The following GABRA2 variants were observed in gnomAD, a reference collection of about 807,000 sequenced individuals.
The protein encoded by GABRA2 is gamma-aminobutyric acid receptor subunit alpha-2.
Under a neutral mutation model 48.7 loss-of-function variants are expected in GABRA2, and 16 were observed. The observed-to-expected ratio is 0.33, with a 90% confidence interval of 0.22 to 0.50. The LOEUF (loss-of-function observed/expected upper bound fraction) is 0.50. Ranked by LOEUF, GABRA2 falls within the 20% of genes least tolerant of loss-of-function variation. The probability of loss-of-function intolerance (pLI) is 0.98; values close to 1 mark genes in which losing one functional copy is unlikely to be tolerated. For missense variants in GABRA2, 275 were observed against 535.6 expected (o/e 0.51, Z 4.80); for synonymous variants, 185 against 184.5 (o/e 1.00, Z -0.02).
At chr4:46,353,314 T>C (rs1486662196) in intron 3 of GABRA2, among the ~76,000 whole-genome samples, 1 of 151,998 alleles carries the variant, frequency 6.6e-6, no homozygotes, top group African/African-American at 2.4e-5. Flanking sequence ...CACCACTGTC[T>C]CTCACCTAGG....
chr4:46,265,007 A>ATATATATATATAT (rs1426804933), intron 8 of GABRA2, among the ~76,000 whole-genome samples: 8 of 140,500 alleles, frequency 5.7e-5, no homozygotes, highest in Non-Finnish European at 9.1e-5. Flanking sequence ...ATATATGTAT[A>ATATATATATATAT]AAGAGAGAGA....
At chr4:46,314,627 T>A (rs562496263) in intron 4 of GABRA2, among the ~76,000 whole-genome samples, 24 of 152,238 alleles carry the variant, frequency 1.6e-4, no homozygotes, top group African/African-American at 5.8e-4. Flanking sequence ...TTTCCAACCC[T>A]TGACCTCCTC....
chr4:46,276,801 AT>A (rs1038990497), intron 8 of GABRA2, among the ~76,000 whole-genome samples: 3 of 150,776 alleles, frequency 2.0e-5, no homozygotes, highest in South Asian at 2.1e-4. Flanking sequence ...CTAACTGGGG[AT>A]TTTTTTTTCA....
chr4:46,313,319 T>C (rs1175675864), intron 4 of GABRA2, among the ~76,000 whole-genome samples: 1 of 151,960 alleles, frequency 6.6e-6, no homozygotes, highest in African/African-American at 2.4e-5. Flanking sequence ...ATTTATTTTT[T>C]AATCCTAAAA....
chr4:46,300,022 G>T (rs1238126066), intron 8 of GABRA2, among the ~76,000 whole-genome samples: 2 of 151,812 alleles, frequency 1.3e-5, no homozygotes, highest in Admixed American at 6.6e-5. Flanking sequence ...TCCCCATGTT[G>T]TTCAAATTTT....
rs533038865 is a variant in GABRA2, at chr4:46,337,340, C to T, written c.188-4658G>A. ...TCCGAGGCAGGGAAACTCCTTTGTG[C>T]AAAAGTCAAGTCCCACAAATAATTA... On this transcript the variant is annotated intron_variant, in intron 3 of 9. Transcript: ENST00000381620. Among the ~76,000 whole-genome samples the T allele has an allele frequency of 7.9e-5, 12 of 151,974 alleles. 1 individual carries two copies. The highest frequency in any genetic ancestry group is 2.4e-4 in the African/African-American group (10 of 41,486).
At chr4:46,375,035 G>A (rs1399433472) in intron 3 of GABRA2, among the ~76,000 whole-genome samples, 1 of 152,024 alleles carries the variant, frequency 6.6e-6, no homozygotes, top group Non-Finnish European at 1.5e-5. Context: ...GGAATATAGA[G>A]AAGGTGAAAT....
Position 46,244,971 on chromosome 4 carries a change from G to A in GABRA2, c.*5337C>T, listed in dbSNP as rs1713440973. 6.6e-6 allele frequency among the ~76,000 whole-genome samples: 1 copy of A among 151,300 alleles called. No individual in the cohort carries two copies. The highest frequency in any genetic ancestry group is 1.5e-5 in the Non-Finnish European group (1 of 67,510). ...TGAATGAATATTCCCCAAAAGGCAT[G>A]AATATAAATTTGAATTAAAGCAAAG... On this transcript the variant is annotated 3_prime_UTR_variant, in exon 10 of 10. Coordinates refer to ENST00000381620, the MANE Select transcript of GABRA2 (RefSeq NM_000807.4).
At chr4:46,256,045 A>G (rs1382636114) in intron 9 of GABRA2, 1 of 409,652 alleles carries the variant, frequency 2.4e-6, no homozygotes, top group Non-Finnish European at 4.3e-6. Flanking sequence ...GGGCAAATCT[A>G]TGCTTTTTCT....
At chr4:46,325,099 AG>A (rs1303809153) in intron 4 of GABRA2, among the ~76,000 whole-genome samples, 3 of 151,868 alleles carry the variant, frequency 2.0e-5, no homozygotes, top group African/African-American at 7.2e-5. Flanking sequence ...ATAAGTATAT[AG>A]TATGTAGTAA....
At chr4:46,291,445 G>A (rs927637848) in intron 8 of GABRA2, among the ~76,000 whole-genome samples, 4 of 152,220 alleles carry the variant, frequency 2.6e-5, no homozygotes, top group Non-Finnish European at 2.9e-5. Flanking sequence ...TCCTGGGTGC[G>A]TCTGTGAGGG....
chr4:46,320,218 GA>G (rs1729223612), intron 4 of GABRA2, among the ~76,000 whole-genome samples: 1 of 151,786 alleles, frequency 6.6e-6, no homozygotes, highest in African/African-American at 2.4e-5. Flanking sequence ...CCTGATGTTG[GA>G]AAAACTGAAT....
intron 8 of GABRA2, among the ~76,000 whole-genome samples, chr4:46,295,769 C>A (rs1170772744): frequency 6.6e-6 from 1 of 152,196 alleles, no homozygotes; most frequent in Non-Finnish European, 1.5e-5. Context: ...TTTTAATGGA[C>A]CTCTTCCATC....
At chr4:46,292,900 C>T (rs1236947232) in intron 8 of GABRA2, among the ~76,000 whole-genome samples, 1 of 152,118 alleles carries the variant, frequency 6.6e-6, no homozygotes, top group Non-Finnish European at 1.5e-5. Context: ...CTCTGTATGT[C>T]AGATCTAACA....
intron 8 of GABRA2, among the ~76,000 whole-genome samples, chr4:46,293,503 G>A (rs1259591732): frequency 6.6e-6 from 1 of 152,106 alleles, no homozygotes; most frequent in Non-Finnish European, 1.5e-5. Flanking sequence ...GATAAAGTAG[G>A]GGCTTATGGA....
chr4:46,254,043 C>T (rs1260114830), intron 9 of GABRA2, among the ~76,000 whole-genome samples: 1 of 151,378 alleles, frequency 6.6e-6, no homozygotes, highest in African/African-American at 2.4e-5. Flanking sequence ...GTTAAGTCTA[C>T]ATAATATATA....
intron 8 of GABRA2, among the ~76,000 whole-genome samples, chr4:46,294,031 T>C (rs1202419136): frequency 6.6e-6 from 1 of 152,216 alleles, no homozygotes; most frequent in African/African-American, 2.4e-5. Flanking sequence ...TGCCTTTTTC[T>C]CCATTCTTGT....
rs1714053274 is a variant in GABRA2, at chr4:46,248,115, A to G, written c.*2193T>C. ...AAGCCTTTTCTGTTGTCATACAGAA[A>G]CTGTTATTTACAACTGTTTTTACAT... On this transcript the variant is annotated 3_prime_UTR_variant, in exon 10 of 10. Transcript: ENST00000381620. Among the ~76,000 whole-genome samples, 1 of 151,324 alleles carries G rather than the reference A, an allele frequency of 6.6e-6. No individual in the cohort carries two copies. The highest frequency in any genetic ancestry group is 1.5e-5 in the Non-Finnish European group (1 of 67,538).
intron 3 of GABRA2, among the ~76,000 whole-genome samples, chr4:46,357,026 T>C (rs185723450): frequency 6.6e-6 from 1 of 152,070 alleles, no homozygotes; most frequent in Non-Finnish European, 1.5e-5. Flanking sequence ...TGTTTGTTTG[T>C]TTTTTGCTTC....
Sources: allele counts gnomAD v4.1 joint callset (sites outside exome capture counted in the v4.1 genomes callset), GRCh38; gene constraint gnomAD v4.1.1; transcripts MANE v1.5; gene names NCBI Gene and HGNC (gene_info 2026-07-23, HGNC 2026-07-21).